BACH2: variants seen among roughly 807,000 people sequenced by gnomAD.
BACH2 encodes the protein transcription regulator protein BACH2.
A neutral mutation model predicts 61.8 loss-of-function variants in BACH2; 5 were observed. That is an observed-to-expected ratio of 0.08 (90% CI 0.04 to 0.17). BACH2 has a LOEUF of 0.17. Ranked by LOEUF, BACH2 falls within the 10% of genes least tolerant of loss-of-function variation. BACH2 has a pLI of 1.00. For synonymous variants in BACH2, 446 were observed against 440.1 expected (o/e 1.01, Z -0.17); for missense variants, 824 against 1,091.1 (o/e 0.76, Z 3.45).
At chr6:89,938,747 A>C (rs1351567696) in intron 7 of BACH2, among the ~76,000 whole-genome samples, 3 of 152,238 alleles carry the variant, frequency 2.0e-5, no homozygotes, top group Non-Finnish European at 4.4e-5. Flanking sequence ...ACATATCTAA[A>C]GCCCCTGAAT....
chr6:90,018,456 T>C (rs1316689504), intron 5 of BACH2, among the ~76,000 whole-genome samples: 1 of 152,244 alleles, frequency 6.6e-6, no homozygotes, highest in Non-Finnish European at 1.5e-5. Context: ...TGGGGATTAC[T>C]ATCTTTTGGT....
At chr6:90,057,583 C>T (rs1481676984) in intron 5 of BACH2, among the ~76,000 whole-genome samples, 1 of 152,124 alleles carries the variant, frequency 6.6e-6, no homozygotes, top group East Asian at 1.9e-4. Context: ...GAAACTATTC[C>T]AATCAACAGA....
chr6:90,259,863 G>A (rs368771717), intron 2 of BACH2, among the ~76,000 whole-genome samples: 23 of 151,800 alleles, frequency 1.5e-4, no homozygotes, highest in South Asian at 1.5e-3. Flanking sequence ...ATAATTGTTC[G>A]TAATAGGGAC....
At chr6:90,118,108 G>C (rs372672974) in intron 4 of BACH2, among the ~76,000 whole-genome samples, 133 of 152,278 alleles carry the variant, frequency 8.7e-4, no homozygotes, top group African/African-American at 3.0e-3. Flanking sequence ...GGTCCTTAAA[G>C]TTGAAGTTCC....
At chr6:90,030,874 T>C (rs9444732) in intron 5 of BACH2, among the ~76,000 whole-genome samples, 48,500 of 149,196 alleles carry the variant, frequency 0.33, 8,723 homozygotes, top group East Asian at 0.81. Context: ...ATCATCCTGA[T>C]ACCAAAGCCT....
chr6:90,204,158 C>G (rs79907389), intron 4 of BACH2, among the ~76,000 whole-genome samples: 2,465 of 152,246 alleles, frequency 0.016, 43 homozygotes, highest in East Asian at 0.071. Flanking sequence ...GAACACCTCC[C>G]TAACTGAAGT....
At chr6:89,947,936 G>T (rs1175514839) in intron 7 of BACH2, among the ~76,000 whole-genome samples, 1 of 152,086 alleles carries the variant, frequency 6.6e-6, no homozygotes, top group Non-Finnish European at 1.5e-5. Context: ...CTCAAGGGGG[G>T]AAGGCTAGTC....
chr6:90,105,466 G>A (rs1208892161), intron 4 of BACH2, among the ~76,000 whole-genome samples: 1 of 152,144 alleles, frequency 6.6e-6, no homozygotes, highest in African/African-American at 2.4e-5. Flanking sequence ...GCAGCTAGTT[G>A]AACAACTTGG....
chr6:90,221,800 G>GT (rs1740938551), intron 3 of BACH2, among the ~76,000 whole-genome samples: 1 of 152,256 alleles, frequency 6.6e-6, no homozygotes, highest in South Asian at 2.1e-4. Flanking sequence ...ATTAAAACCC[G>GT]TAAGTATAAA....
intron 4 of BACH2, among the ~76,000 whole-genome samples, chr6:90,117,423 G>C (rs1226696075): frequency 6.7e-6 from 1 of 150,348 alleles, no homozygotes; most frequent in African/African-American, 2.5e-5. Context: ...GAACCTTTCT[G>C]ACTCTTCCTG....
intron 6 of BACH2, among the ~76,000 whole-genome samples, chr6:90,006,622 A>G (rs1414079039): frequency 6.6e-6 from 1 of 152,012 alleles, no homozygotes; most frequent in African/African-American, 2.4e-5. Context: ...TTATTTATTT[A>G]TTTATTTTTT....
intron 5 of BACH2, among the ~76,000 whole-genome samples, chr6:90,009,906 C>T (rs1777615876): frequency 6.6e-6 from 1 of 152,206 alleles, no homozygotes; most frequent in African/African-American, 2.4e-5. Flanking sequence ...CTCAGGTGAT[C>T]CACCCGCCTC....
Position 90,225,066 on chromosome 6 carries a change from TAACAACAAC to T in BACH2, c.-274-18394_-274-18386del, listed in dbSNP as rs749374458. 2.3e-3 allele frequency among the ~76,000 whole-genome samples: 343 copies of T among 151,418 alleles called. 1 individual carries two copies. Among genetic ancestry groups the T allele is most frequent in the African/African-American group, 7.9e-3 (323 of 41,142 alleles). ...TGTTCTAGAGGCTTGAAATACATCA[TAACAACAAC>T]AACAACAACAACAACAACAACAAAC... is the stretch of plus-strand genomic sequence containing the variant. On this transcript the variant is annotated intron_variant, in intron 3 of 8. Coordinates refer to ENST00000257749, the MANE Select transcript of BACH2 (RefSeq NM_021813.4).
chr6:89,969,298 G>A (rs933913857), intron 6 of BACH2, among the ~76,000 whole-genome samples: 10 of 151,898 alleles, frequency 6.6e-5, no homozygotes, highest in African/African-American at 2.2e-4. Flanking sequence ...GAGGTGATCC[G>A]CCCATCTCGG....
At chr6:89,953,562 T>C (rs947578844) in intron 6 of BACH2, among the ~76,000 whole-genome samples, 2 of 152,188 alleles carry the variant, frequency 1.3e-5, no homozygotes, top group Non-Finnish European at 2.9e-5. Context: ...TTATACCTAA[T>C]TGTGCCTGTT....
intron 4 of BACH2, among the ~76,000 whole-genome samples, chr6:90,201,150 T>C (rs1022022301): frequency 4.6e-5 from 7 of 152,224 alleles, no homozygotes; most frequent in Non-Finnish European, 1.0e-4. Flanking sequence ...AATATTGTGA[T>C]GAACATTTTA....
At chr6:89,940,089 C>T (rs1773331798) in intron 7 of BACH2, among the ~76,000 whole-genome samples, 1 of 151,988 alleles carries the variant, frequency 6.6e-6, no homozygotes, top group African/African-American at 2.4e-5. Context: ...TGACTCACGG[C>T]AAACTCCACC....
intron 5 of BACH2, among the ~76,000 whole-genome samples, chr6:90,078,878 A>G (rs1781592916): frequency 6.6e-6 from 1 of 152,178 alleles, no homozygotes; most frequent in African/African-American, 2.4e-5. Flanking sequence ...ACTGTCTGCC[A>G]CAGTTGGGGA....
At chr6:90,033,950 T>A (rs1003267649) in intron 5 of BACH2, among the ~76,000 whole-genome samples, 2 of 152,218 alleles carry the variant, frequency 1.3e-5, no homozygotes, top group African/African-American at 2.4e-5. Flanking sequence ...GAAAAGTTCA[T>A]AATCCTTTCA....
Sources: gnomAD v4.1 joint callset for allele counts (sites outside exome capture counted in the v4.1 genomes callset) on GRCh38, gnomAD v4.1.1 for gene constraint, MANE v1.5 for transcripts, NCBI Gene and HGNC (gene_info 2026-07-23, HGNC 2026-07-21) for gene names.